BNC2: variants seen among roughly 807,000 people sequenced by gnomAD.
The protein encoded by BNC2 is basonuclin zinc finger protein 2, also known as zinc finger protein basonuclin-2.
A neutral mutation model predicts 76.3 loss-of-function variants in BNC2; 20 were observed. The ratio of observed to expected loss-of-function variants is 0.26; its 90% confidence interval spans 0.18 to 0.38. BNC2 has a LOEUF of 0.38. BNC2 is among the 10% of genes least tolerant of loss of function. The probability of loss-of-function intolerance (pLI) is 1.00; values close to 1 mark genes in which losing one functional copy is unlikely to be tolerated. For missense variants in BNC2, 1,382 were observed against 1,399.8 expected (o/e 0.99, Z 0.20); for synonymous variants, 582 against 514.8 (o/e 1.13, Z -1.77).
chr9:16,707,948 A>G (rs1464870040), intron 3 of BNC2, among the ~76,000 whole-genome samples: 1 of 152,124 alleles, frequency 6.6e-6, no homozygotes, highest in East Asian at 1.9e-4. Flanking sequence ...GGCCAAAGTA[A>G]TTTTATAATC....
intron 3 of BNC2, among the ~76,000 whole-genome samples, chr9:16,626,574 T>C (rs972115184): frequency 3.3e-5 from 5 of 152,104 alleles, no homozygotes; most frequent in Admixed American, 6.5e-5. Context: ...AGAGACCTGG[T>C]TGCAATTTAG....
intron 5 of BNC2, among the ~76,000 whole-genome samples, chr9:16,491,769 T>C (rs1293051168): frequency 1.3e-5 from 2 of 152,182 alleles, no homozygotes; most frequent in African/African-American, 4.8e-5. Flanking sequence ...GCAGTTTAGT[T>C]TCATCTCTTT....
intron 5 of BNC2, among the ~76,000 whole-genome samples, chr9:16,450,525 T>C (rs1821319152): frequency 6.6e-6 from 1 of 152,198 alleles, no homozygotes; most frequent in Non-Finnish European, 1.5e-5. Context: ...CAAGCATAAG[T>C]AACAGGGCCA....
chr9:16,738,850 C>G (rs1311274759), intron 1 of BNC2, among the ~76,000 whole-genome samples: 1 of 150,302 alleles, frequency 6.7e-6, no homozygotes, highest in Admixed American at 6.7e-5. Flanking sequence ...GCCCCGCTCC[C>G]TTGCCAAGTA....
chr9:16,604,276 A>C (rs2133340196), intron 3 of BNC2, among the ~76,000 whole-genome samples: 1 of 152,320 alleles, frequency 6.6e-6, no homozygotes, highest in African/African-American at 2.4e-5. Context: ...TATAAAAGAG[A>C]AGCAATGCCC....
chr9:16,427,172 C>A (rs1439942395), intron 6 of BNC2, among the ~76,000 whole-genome samples: 1 of 152,202 alleles, frequency 6.6e-6, no homozygotes, highest in African/African-American at 2.4e-5. Context: ...AAGCCTTTTC[C>A]AAGGAGAGAA....
chr9:16,413,137 TCCA>T lies in BNC2; in HGVS notation c.*5849_*5851del, dbSNP rs1348820195. 6.5e-6 allele frequency: 1 copy of T among 152,706 alleles called. No homozygotes were observed. Among genetic ancestry groups the T allele is most frequent in the African/African-American group, 2.4e-5 (1 of 41,562 alleles). 9.5% of individuals were successfully genotyped at this position (152,706 alleles called of 1,614,324 possible). ...TTTTTTCTTTCCTCTTTTGTAATGG[TCCA>T]CTATTTGTTACAGACTGAGCCTTGG... On this transcript the variant is annotated 3_prime_UTR_variant, in exon 7 of 7. Coordinates refer to ENST00000380672, the MANE Select transcript of BNC2 (RefSeq NM_017637.6).
At chr9:16,576,912 A>G (rs1229232035) in intron 4 of BNC2, among the ~76,000 whole-genome samples, 1 of 152,078 alleles carries the variant, frequency 6.6e-6, no homozygotes, top group African/African-American at 2.4e-5. Flanking sequence ...TAATTTTTGT[A>G]TTTTTAGTAG....
intron 5 of BNC2, among the ~76,000 whole-genome samples, chr9:16,459,175 G>C (rs1821519434): frequency 6.6e-6 from 1 of 152,180 alleles, no homozygotes; most frequent in Non-Finnish European, 1.5e-5. Context: ...TCAGAATTCA[G>C]TGTCATGAAT....
chr9:16,537,281 GA>G (rs1818158248), intron 5 of BNC2, among the ~76,000 whole-genome samples: 2 of 152,098 alleles, frequency 1.3e-5, no homozygotes, highest in Non-Finnish European at 2.9e-5. Context: ...CTGGTGTTAT[GA>G]AATGCATGAG....
intron 5 of BNC2, among the ~76,000 whole-genome samples, chr9:16,525,601 C>T (rs185611936): frequency 3.3e-5 from 5 of 152,288 alleles, no homozygotes; most frequent in Admixed American, 6.5e-5. Flanking sequence ...TGTTTCATCA[C>T]CTAGTCTACC....
intron 2 of BNC2, among the ~76,000 whole-genome samples, chr9:16,732,445 G>A (rs746841574): frequency 6.6e-6 from 1 of 152,146 alleles, no homozygotes; most frequent in Non-Finnish European, 1.5e-5. Context: ...TACATTTACT[G>A]CACTGAGAAA....
intron 1 of BNC2, among the ~76,000 whole-genome samples, chr9:16,803,364 C>T (rs1817828668): frequency 6.6e-6 from 1 of 152,124 alleles, no homozygotes; most frequent in Non-Finnish European, 1.5e-5. Flanking sequence ...TAATACGTAC[C>T]TCTGCCCCAA....
chr9:16,650,856 C>T (rs1821774763), intron 3 of BNC2, among the ~76,000 whole-genome samples: 1 of 152,096 alleles, frequency 6.6e-6, no homozygotes, highest in Non-Finnish European at 1.5e-5. Context: ...ATTATAGGTC[C>T]ACAAAGTTAT....
At chr9:16,561,031 G>T (rs550909110) in intron 4 of BNC2, among the ~76,000 whole-genome samples, 3 of 152,078 alleles carry the variant, frequency 2.0e-5, no homozygotes, top group Non-Finnish European at 2.9e-5. Flanking sequence ...CAGAGGTCAG[G>T]AGTTTGTGAC....
At chr9:16,577,920 T>G (rs1819529711) in intron 4 of BNC2, among the ~76,000 whole-genome samples, 1 of 152,246 alleles carries the variant, frequency 6.6e-6, no homozygotes, top group African/African-American at 2.4e-5. Context: ...AGAAAATAAT[T>G]TGCACAGAGA....
chr9:16,496,897 A>G (rs1042412143), intron 5 of BNC2, among the ~76,000 whole-genome samples: 2 of 152,230 alleles, frequency 1.3e-5, no homozygotes, highest in Admixed American at 1.3e-4. Context: ...GTTTGCTTCT[A>G]AAGGATCTTC....
At chr9:16,458,742 T>G (rs1023001442) in intron 5 of BNC2, among the ~76,000 whole-genome samples, 1 of 152,220 alleles carries the variant, frequency 6.6e-6, no homozygotes, top group Non-Finnish European at 1.5e-5. Context: ...TTGGCTCCAA[T>G]GAAAAGTAAC....
chr9:16,639,140 A>G (rs1242648028), intron 3 of BNC2, among the ~76,000 whole-genome samples: 1 of 152,194 alleles, frequency 6.6e-6, no homozygotes, highest in East Asian at 1.9e-4. Context: ...CAAAAAAATT[A>G]CTGTACTTAT....
Sources: allele counts gnomAD v4.1 joint callset (sites outside exome capture counted in the v4.1 genomes callset), GRCh38; gene constraint gnomAD v4.1.1; transcripts MANE v1.5; gene names NCBI Gene and HGNC (gene_info 2026-07-23, HGNC 2026-07-21).